GBP7: variants seen among roughly 807,000 people sequenced by gnomAD.
GBP7 encodes guanylate binding protein 7, also known as guanylate-binding protein 7.
A neutral mutation model predicts 61.3 loss-of-function variants in GBP7; 43 were observed. The ratio of observed to expected loss-of-function variants is 0.70; its 90% CI spans 0.55 to 0.91. GBP7 has a LOEUF of 0.91. Among genes scored for constraint, GBP7 ranks in the 40% least tolerant of loss-of-function variants. The probability of loss-of-function intolerance (pLI) is 0.00; values close to 1 mark genes in which losing one functional copy is unlikely to be tolerated. For missense variants in GBP7, 717 were observed against 740.5 expected (o/e 0.97, Z 0.37); for synonymous variants, 267 against 271.0 (o/e 0.99, Z 0.14).
At chr1:89,171,454 G>A (rs983820773) in intron 2 of GBP7, among the ~76,000 whole-genome samples, 1 of 151,414 alleles carries the variant, frequency 6.6e-6, no homozygotes, top group Non-Finnish European at 1.5e-5. Context: ...AAAGTTCTGT[G>A]GAAACTTGCT....
chr1:89,157,226 C>G (rs1209770805), intron 3 of GBP7, among the ~76,000 whole-genome samples: 1 of 151,982 alleles, frequency 6.6e-6, no homozygotes, highest in Non-Finnish European at 1.5e-5. Context: ...GAAATTTATA[C>G]CACTAAATGC....
At chr1:89,175,254 T>A (rs1647709794) in intron 1 of GBP7, among the ~76,000 whole-genome samples, 3 of 152,342 alleles carry the variant, frequency 2.0e-5, no homozygotes, top group East Asian at 3.9e-4. Context: ...TATATTAAAT[T>A]ATCTGGCTTC....
chr1:89,143,576 T>G (rs1375136203), intron 8 of GBP7, among the ~76,000 whole-genome samples: 4 of 152,188 alleles, frequency 2.6e-5, no homozygotes, highest in Non-Finnish European at 5.9e-5. Context: ...CAAAGAGGTT[T>G]AATGGGCTCA....
intron 3 of GBP7, among the ~76,000 whole-genome samples, chr1:89,156,036 G>A (rs1423449995): frequency 6.6e-6 from 1 of 152,232 alleles, no homozygotes. Flanking sequence ...AGCCAGAAGA[G>A]AGTGGGGGCC....
intron 5 of GBP7, 122 bp from the exon 6 acceptor site, chr1:89,150,697 G>T: frequency 9.9e-7 from 1 of 1,008,134 alleles, no homozygotes; most frequent in Non-Finnish European, 1.5e-6. Context: ...TCTACTCTAT[G>T]TAATCAAACC....
At chr1:89,149,105 T>A (rs968591187) in intron 7 of GBP7, among the ~76,000 whole-genome samples, 187 bp downstream of exon 7, 1 of 152,158 alleles carries the variant, frequency 6.6e-6, no homozygotes, top group African/African-American at 2.4e-5. Flanking sequence ...TTATGCATGA[T>A]AGAAAATTAA....
intron 8 of GBP7, among the ~76,000 whole-genome samples, chr1:89,143,022 G>A (rs1681988558): frequency 6.6e-6 from 1 of 152,186 alleles, no homozygotes; most frequent in Non-Finnish European, 1.5e-5. Context: ...TTCTGTCCCA[G>A]TCTTTTAAGT....
At chr1:89,147,147 A>T (rs1682087561) in intron 8 of GBP7, among the ~76,000 whole-genome samples, 1 of 152,362 alleles carries the variant, frequency 6.6e-6, no homozygotes, top group East Asian at 1.9e-4. Context: ...CATTCATTTC[A>T]TCATCACCAT....
Position 89,157,117 on chromosome 1 carries a change from C to T in GBP7, c.319-4340G>A, listed in dbSNP as rs144419448. Among the ~76,000 whole-genome samples the T allele has an allele frequency of 4.9e-3, 740 of 152,206 alleles. 4 individuals carry two copies. The highest frequency in any genetic ancestry group is 0.016 in the African/African-American group (683 of 41,530). ...TCCTGAATGACTACTGGGTACATAA[C>T]ATAATGAAGGCAGAAATAAAGATGT... On this transcript the variant is annotated intron_variant, in intron 3 of 10. Coordinates refer to ENST00000294671, the MANE Select transcript of GBP7 (RefSeq NM_207398.3).
chr1:89,151,596 G>A (rs796760146), intron 5 of GBP7, among the ~76,000 whole-genome samples: 1 of 152,148 alleles, frequency 6.6e-6, no homozygotes, highest in Non-Finnish European at 1.5e-5. Flanking sequence ...GGTGCCAACA[G>A]GTATCCACTC....
At chr1:89,150,268 GT>G (rs1164370069) in intron 6 of GBP7, 61 bp downstream of exon 6, 5 of 1,483,950 alleles carry the variant, frequency 3.4e-6, no homozygotes, top group Middle Eastern at 1.8e-4. Context: ...CATAAGCTTA[GT>G]TTACTAGTTT....
Position 89,156,692 on chromosome 1 carries a change from C to T in GBP7, c.319-3915G>A, listed in dbSNP as rs180738085. 4.8e-3 allele frequency among the ~76,000 whole-genome samples: 735 copies of T among 152,232 alleles called. 4 individuals carry two copies. The highest frequency in any genetic ancestry group is 0.016 in the African/African-American group (680 of 41,532). On this transcript the variant is annotated intron_variant, in intron 3 of 10. Transcript: ENST00000294671. ...TATATATGCACCCAATACAGGAGCA[C>T]CCAGATTCATAAAGCAAGTCCTTAG...
Position 89,152,729 on chromosome 1 carries a change from T to C in GBP7, c.367A>G (p.Ser123Gly), listed in dbSNP as rs1557459586. 6.2e-7 allele frequency: 1 copy of C among 1,613,098 alleles called. No homozygotes were observed. The highest frequency in any genetic ancestry group is 1.3e-5 in the African/African-American group (1 of 74,798). ...ATGCTGTTGTAGACAAAGCTGCTGC[T>C]TAGAAGCACAGCCAGGGCAAAGATC... is the stretch of plus-strand genomic sequence containing the variant. ...SWIFALAVLL[S>G]SSFVYNSMGT... The change falls in exon 4 of 11, where the codon AGC becomes GGC. Residue 123 changes from serine (S) to glycine (G), a missense_variant. Transcript: ENST00000294671.
chr1:89,167,429 T>TTTTTTTTG (rs1647474838), intron 2 of GBP7, among the ~76,000 whole-genome samples: 1 of 152,132 alleles, frequency 6.6e-6, no homozygotes, highest in African/African-American at 2.4e-5. Flanking sequence ...CTCTGTGTTT[T>TTTTTTTTG]TTTGTTTGTT....
chr1:89,160,839 A>G (rs1245220064), intron 3 of GBP7, among the ~76,000 whole-genome samples: 1 of 152,082 alleles, frequency 6.6e-6, no homozygotes, highest in East Asian at 1.9e-4. Context: ...ACATAGGTAG[A>G]CTTGTGTCAT....
chr1:89,157,697 T>C (rs1241184312), intron 3 of GBP7, among the ~76,000 whole-genome samples: 1 of 152,012 alleles, frequency 6.6e-6, no homozygotes, highest in Non-Finnish European at 1.5e-5. Context: ...GGCTCTGAAA[T>C]TGAGGCAATA....
At position 89,141,543 on chromosome 1, in the gene GBP7, T is replaced by C. The variant is rs1167176477; in HGVS notation, c.1468+3A>G. ...GCCTGAGAGCTGAGCCCTGCCCCTG[T>C]ACCTGCTATGGCCTTCTCTCCAGCA... On this transcript the variant is annotated splice_donor_region_variant and intron_variant, in intron 9 of 10. Transcript: ENST00000294671. 8.1e-6 allele frequency: 13 copies of C among 1,613,268 alleles called. No individual in the cohort carries two copies. Among genetic ancestry groups the C allele is most frequent in the Non-Finnish European group, 1.1e-5 (13 of 1,179,370 alleles).
intron 3 of GBP7, among the ~76,000 whole-genome samples, chr1:89,158,691 C>T (rs1210895918): frequency 2.0e-5 from 3 of 152,168 alleles, no homozygotes; most frequent in Admixed American, 2.0e-4. Context: ...CTACAAACCT[C>T]TGCTCAATGA....
chr1:89,165,354 G>A (rs1189546170), intron 2 of GBP7, among the ~76,000 whole-genome samples: 1 of 152,018 alleles, frequency 6.6e-6, no homozygotes, highest in Non-Finnish European at 1.5e-5. Context: ...CAAAAAATTA[G>A]CCAGGCATGG....
Sources: gnomAD v4.1 joint callset for allele counts (sites outside exome capture counted in the v4.1 genomes callset) on GRCh38, gnomAD v4.1.1 for gene constraint, MANE v1.5 for transcripts, NCBI Gene and HGNC (gene_info 2026-07-23, HGNC 2026-07-21) for gene names.